The following RTN1 variants were observed in gnomAD, a reference collection of about 807,000 sequenced individuals.
RTN1 encodes the protein reticulon-1.
Under a neutral mutation model 65.5 loss-of-function variants are expected in RTN1, and 25 were observed. That is an observed-to-expected ratio of 0.38 (90% CI 0.28 to 0.53). The LOEUF is 0.53. RTN1 is among the 20% of genes least tolerant of loss of function. The pLI is 0.79. For missense variants in RTN1, 983 were observed against 1,025.4 expected, an observed-to-expected ratio of 0.96 and a Z score of 0.57; for synonymous variants, 471 against 447.6, an observed-to-expected ratio of 1.05 and a Z score of -0.66.
intron 1 of RTN1, among the ~76,000 whole-genome samples, chr14:59,858,794 T>C (rs780038234): frequency 2.4e-4 from 37 of 152,312 alleles, no homozygotes; most frequent in East Asian, 1.2e-3. Flanking sequence ...ATGATGCTTT[T>C]AGCATTACAA....
chr14:59,624,792 A>G (rs1347157389), intron 3 of RTN1, among the ~76,000 whole-genome samples: 1 of 152,316 alleles, frequency 6.6e-6, no homozygotes, highest in Middle Eastern at 3.4e-3. Flanking sequence ...GAAAGGTGAC[A>G]GTATATCAAC....
rs1406957624 is a variant in RTN1, at chr14:59,727,311, C to T, written c.1373G>A (p.Arg458His). ...SIQYSILREE[R>H]EAELDSELII... ...GAGCTCGCTGTCCAGCTCGGCCTCG[C>T]GCTCCTCCCTCAGGATGCTGTACTG... is the stretch of plus-strand genomic sequence containing the variant. Residue 458 changes from arginine to histidine, a missense_variant, in exon 3 of 9, where the codon CGC becomes CAC. Transcript: ENST00000267484. This position sits in a 1 kb window ranked among gnomAD's most constrained non-coding sequence, Gnocchi z 4.2. The T allele has an allele frequency of 1.3e-6, 2 of 1,495,114 alleles. No individual in the cohort carries two copies. Among genetic ancestry groups the T allele is most frequent in the Non-Finnish European group, 1.8e-6 (2 of 1,121,776 alleles). The allele number at this position is 1,495,114 out of a possible 1,614,324, so 92.6% of individuals were successfully genotyped here.
At position 59,870,407 on chromosome 14, in the gene RTN1, A is replaced by G; in HGVS notation, c.224T>C (p.Met75Thr). Residue 75 changes from methionine to threonine, a missense_variant, in exon 1 of 9, where the codon ATG becomes ACG. Physicochemically the swap from Met to Thr is moderately conservative, Grantham distance 81 (BLOSUM62 -1). Around this residue, in one of 2 missense-constraint regions of RTN1, gnomAD observed 818 missense variants for 801.8 expected, o/e 1.02. Coordinates refer to ENST00000267484, the MANE Select transcript of RTN1 (RefSeq NM_021136.3). This position sits in a 1 kb window ranked among gnomAD's most constrained non-coding sequence, Gnocchi z 5.1. ...SGPARQSPVA[M>T]ETASTGVAGV... ...CGCCTTACCTGTGGATGCAGTTTCC[A>G]TGGCAACGGGCGACTGCCGGGCGGG... 6.6e-7 allele frequency: 1 copy of G among 1,525,676 alleles called. No individual in the cohort carries two copies. The highest frequency in any genetic ancestry group is 1.4e-5 in the African/African-American group (1 of 69,908). The allele number at this position is 1,525,676 out of a possible 1,614,324, so 94.5% of individuals were successfully genotyped here. A position where few individuals can be genotyped will look rare whatever the true frequency, so the allele number is the denominator to read the frequency against.
chr14:59,610,671 G>A (rs1389071986), intron 3 of RTN1, among the ~76,000 whole-genome samples: 1 of 152,210 alleles, frequency 6.6e-6, no homozygotes, highest in African/African-American at 2.4e-5. Context: ...TTTAAACAAA[G>A]ATGGTAACTG....
intron 2 of RTN1, among the ~76,000 whole-genome samples, chr14:59,742,479 C>A (rs1012507318): frequency 1.3e-5 from 2 of 152,166 alleles, no homozygotes; most frequent in Non-Finnish European, 1.5e-5. Flanking sequence ...CACCTCTCCA[C>A]CTCAGTGTAT....
intron 2 of RTN1, among the ~76,000 whole-genome samples, chr14:59,745,279 T>A (rs1001210888): frequency 1.3e-5 from 2 of 152,166 alleles, no homozygotes; most frequent in African/African-American, 2.4e-5. Flanking sequence ...TTTTGTTTCT[T>A]ATACATTACC....
In RTN1 at chr14:59,777,822, C is replaced by A. The variant is rs867318984; in HGVS notation, c.242-31341G>T. ...AAAACAACAACAACAACAACAACAA[C>A]AAAAAAAAAAAACAAAACAACAAAA... On this transcript the variant is annotated intron_variant, in intron 1 of 8. Transcript: ENST00000267484. Among the ~76,000 whole-genome samples, 1,184 of 147,286 alleles carry A rather than the reference C, an allele frequency of 8.0e-3. 8 individuals are homozygous for A. Among genetic ancestry groups the A allele is most frequent in the South Asian group, 0.019 (89 of 4,590 alleles).
chr14:59,770,119 T>C (rs1380622735), intron 1 of RTN1, among the ~76,000 whole-genome samples: 1 of 152,054 alleles, frequency 6.6e-6, no homozygotes, highest in Non-Finnish European at 1.5e-5. Flanking sequence ...GGCTCATGCC[T>C]GTAATCCCAG....
intron 1 of RTN1, among the ~76,000 whole-genome samples, chr14:59,819,169 T>C (rs913904621): frequency 6.6e-6 from 1 of 152,044 alleles, no homozygotes; most frequent in East Asian, 1.9e-4. Context: ...CTTCACAGTG[T>C]GTGTTATAGC....
chr14:59,660,900 G>A (rs1357501357), intron 3 of RTN1, among the ~76,000 whole-genome samples: 1 of 151,956 alleles, frequency 6.6e-6, no homozygotes, highest in Admixed American at 6.6e-5. Flanking sequence ...CACAACTGAA[G>A]GAGACAGGGA....
At chr14:59,770,153 A>G (rs1489845475) in intron 1 of RTN1, among the ~76,000 whole-genome samples, 1 of 151,670 alleles carries the variant, frequency 6.6e-6, no homozygotes, top group African/African-American at 2.4e-5. Flanking sequence ...CGAGGTGGGC[A>G]GATGACCTGA....
At chr14:59,739,869 C>T (rs887168796) in intron 2 of RTN1, among the ~76,000 whole-genome samples, 3 of 152,114 alleles carry the variant, frequency 2.0e-5, no homozygotes, top group African/African-American at 7.2e-5. Context: ...CACATCCTTC[C>T]GGTTTCACAT....
chr14:59,735,698 T>C (rs12896125), intron 2 of RTN1, among the ~76,000 whole-genome samples: 47,218 of 152,040 alleles, frequency 0.31, 7,943 homozygotes, highest in Admixed American at 0.43. Flanking sequence ...CTATCCTAAA[T>C]ACATATGCAC....
At position 59,727,583 on chromosome 14, in the gene RTN1, C is replaced by G; in HGVS notation, c.1101G>C (p.Ser367=). ...GCCGTGGGTTCTCGGCGGTTTCATA[C>G]GATAATCCCTTTGCTTCTTTGATGG... is the stretch of plus-strand genomic sequence containing the variant. ...ITAIKEAKGL[S]YETAENPRPV... The change falls in exon 3 of 9, where the codon TCG becomes TCC. Residue 367 remains serine, a synonymous_variant. Coordinates refer to ENST00000267484, the MANE Select transcript of RTN1 (RefSeq NM_021136.3). This position sits in a 1 kb window ranked among gnomAD's most constrained non-coding sequence, Gnocchi z 4.2. 2 of 1,612,550 alleles carry G rather than the reference C, an allele frequency of 1.2e-6. No individual in the cohort carries two copies. The highest frequency in any genetic ancestry group is 1.3e-5 in the African/African-American group (1 of 75,040).
At chr14:59,741,132 C>T (rs548430501) in intron 2 of RTN1, among the ~76,000 whole-genome samples, 1 of 152,268 alleles carries the variant, frequency 6.6e-6, no homozygotes, top group East Asian at 1.9e-4. Context: ...AATTGAAAAC[C>T]CAAGTCTGAT....
At chr14:59,657,854 T>C (rs1405706014) in intron 3 of RTN1, among the ~76,000 whole-genome samples, 1 of 152,140 alleles carries the variant, frequency 6.6e-6, no homozygotes, top group Non-Finnish European at 1.5e-5. Context: ...CAGGAGTTTT[T>C]TTTCATACCC....
At chr14:59,707,461 T>C (rs180902976) in intron 3 of RTN1, among the ~76,000 whole-genome samples, 1 of 152,312 alleles carries the variant, frequency 6.6e-6, no homozygotes, top group East Asian at 1.9e-4. Context: ...ACTATTAGTC[T>C]CTTCCACTAA....
rs1178058223 is a variant in RTN1 at position 59,727,905 on chromosome 14, C to T, written c.1016-237G>A. ...CCCAATTAATTAGTGTTTTACAGACCTCTCTATCTTCAGCTAGCTATTTTA... is the reference window on the plus strand; with the variant it reads ...CCCAATTAATTAGTGTTTTACAGACTTCTCTATCTTCAGCTAGCTATTTTA... On this transcript the variant is annotated intron_variant, in intron 2 of 8. Transcript: ENST00000267484. The surrounding 1 kb of genome is among the most constrained non-coding windows in gnomAD (Gnocchi z 4.2). 1.3e-5 allele frequency among the ~76,000 whole-genome samples: 2 copies of T among 152,164 alleles called. No individual in the cohort carries two copies. Among genetic ancestry groups the T allele is most frequent in the Non-Finnish European group, 2.9e-5 (2 of 68,036 alleles).
Position 59,855,968 on chromosome 14 carries a change from C to T in RTN1, c.241+14422G>A, listed in dbSNP as rs146355922. Among the ~76,000 whole-genome samples, 53 of 152,250 alleles carry T rather than the reference C, an allele frequency of 3.5e-4. No homozygotes were observed. In the East Asian group the frequency reaches 6.0e-3, roughly 17 times the overall value. Reference sequence around the variant, plus strand: ...AAAGTTTTCTATCCTGCTAGGATGCCGTTTTCTGGTCCTTTCGCTAGAAAC... The same window carrying T: ...AAAGTTTTCTATCCTGCTAGGATGCTGTTTTCTGGTCCTTTCGCTAGAAAC... On this transcript the variant is annotated intron_variant, in intron 1 of 8. Coordinates refer to ENST00000267484, the MANE Select transcript of RTN1 (RefSeq NM_021136.3).
Sources: allele counts gnomAD v4.1 joint callset (sites outside exome capture counted in the v4.1 genomes callset), GRCh38; gene constraint gnomAD v4.1.1; regional missense constraint gnomAD v4.1.1; non-coding constraint Gnocchi (gnomAD v3.1); transcripts MANE v1.5; gene names NCBI Gene and HGNC (gene_info 2026-07-23, HGNC 2026-07-21).